The following CDH4 variants were observed in gnomAD, a reference collection of about 807,000 sequenced individuals.
CDH4 encodes cadherin 4.
A neutral mutation model predicts 86.0 loss-of-function variants in CDH4; 33 were observed. That is an observed-to-expected ratio of 0.38 (90% confidence interval 0.29 to 0.51). CDH4 has a LOEUF of 0.51. Among genes scored for constraint, CDH4 ranks in the 20% least tolerant of loss-of-function variants. The probability of loss-of-function intolerance (pLI) is 0.86; values close to 1 mark genes in which losing one functional copy is unlikely to be tolerated. For synonymous variants in CDH4, 555 were observed against 549.4 expected (o/e 1.01, Z -0.14); for missense variants, 1,114 against 1,307.4 (o/e 0.85, Z 2.28).
intron 3 of CDH4, among the ~76,000 whole-genome samples, chr20:61,750,806 G>A (rs761001612): frequency 6.6e-6 from 1 of 152,340 alleles, no homozygotes; most frequent in South Asian, 2.1e-4. Context: ...GGTGCTGGAT[G>A]TAATAGTTGT....
intron 2 of CDH4, among the ~76,000 whole-genome samples, chr20:61,521,674 A>G (rs771760803): frequency 2.6e-5 from 4 of 152,218 alleles, no homozygotes; most frequent in Non-Finnish European, 4.4e-5. Flanking sequence ...GAAACTAGCC[A>G]TCTTCAAATC....
chr20:61,523,269 G>A (rs927286712), intron 2 of CDH4, among the ~76,000 whole-genome samples: 1 of 152,240 alleles, frequency 6.6e-6, no homozygotes, highest in Non-Finnish European at 1.5e-5. Context: ...TGATCCAGGC[G>A]ACTCCGTCTT....
chr20:61,766,878 A>G (rs750958209), intron 3 of CDH4, among the ~76,000 whole-genome samples: 2 of 152,118 alleles, frequency 1.3e-5, no homozygotes, highest in Non-Finnish European at 2.9e-5. Context: ...CCAAGTCCCC[A>G]GTGGACTGAT....
chr20:61,506,489 CATT>C (rs1568869252), intron 2 of CDH4, among the ~76,000 whole-genome samples: 1 of 152,216 alleles, frequency 6.6e-6, no homozygotes, highest in African/African-American at 2.4e-5. Flanking sequence ...ATCGTATCCA[CATT>C]ATTATTATTT....
intron 8 of CDH4, 23 bp from the exon 9 acceptor site, chr20:61,910,399 C>A: frequency 6.2e-7 from 1 of 1,607,530 alleles, no homozygotes; most frequent in Non-Finnish European, 8.5e-7. Flanking sequence ...GGGTTTGTGA[C>A]ATTCTTTCCT....
intron 4 of CDH4, among the ~76,000 whole-genome samples, chr20:61,816,665 G>T (rs1353426066): frequency 6.7e-6 from 1 of 150,268 alleles, no homozygotes; most frequent in Non-Finnish European, 1.5e-5. Flanking sequence ...GGATGATGGC[G>T]CTTGGGTGAA....
At chr20:61,427,427 A>G (rs1323927631) in intron 2 of CDH4, among the ~76,000 whole-genome samples, 1 of 152,126 alleles carries the variant, frequency 6.6e-6, no homozygotes, top group African/African-American at 2.4e-5. Context: ...ATGAAATCAG[A>G]ACGTCGTCTT....
At chr20:61,616,418 A>C (rs2086725624) in intron 2 of CDH4, among the ~76,000 whole-genome samples, 1 of 152,326 alleles carries the variant, frequency 6.6e-6, no homozygotes, top group Admixed American at 6.5e-5. Context: ...AGAGGAGGAC[A>C]GTCCATAGCG....
chr20:61,308,318 G>A (rs2084428208), intron 2 of CDH4, among the ~76,000 whole-genome samples: 1 of 152,222 alleles, frequency 6.6e-6, no homozygotes, highest in African/African-American at 2.4e-5. Context: ...AACCAAAGCT[G>A]TCACAAAGCT....
At chr20:61,842,020 G>T (rs1465535956) in intron 4 of CDH4, among the ~76,000 whole-genome samples, 2 of 152,232 alleles carry the variant, frequency 1.3e-5, no homozygotes, top group African/African-American at 4.8e-5. Context: ...GCTTAAGAAA[G>T]ATGTTCTCCA....
chr20:61,458,811 T>G (rs2085424908), intron 2 of CDH4, among the ~76,000 whole-genome samples: 1 of 151,906 alleles, frequency 6.6e-6, no homozygotes, highest in South Asian at 2.1e-4. Flanking sequence ...TGGCAATGAG[T>G]GAAGCCCTGG....
chr20:61,536,396 A>G (rs1376625394), intron 2 of CDH4, among the ~76,000 whole-genome samples: 1 of 152,160 alleles, frequency 6.6e-6, no homozygotes, highest in East Asian at 1.9e-4. Flanking sequence ...CAACCCATGG[A>G]AAGTTCCATC....
intron 4 of CDH4, among the ~76,000 whole-genome samples, chr20:61,831,959 G>T (rs1981638066): frequency 6.6e-6 from 1 of 152,256 alleles, no homozygotes; most frequent in African/African-American, 2.4e-5. Context: ...GGCAGGAGCG[G>T]CTGGAGCCTG....
At chr20:61,539,341 C>T (rs1423762461) in intron 2 of CDH4, among the ~76,000 whole-genome samples, 3 of 152,204 alleles carry the variant, frequency 2.0e-5, no homozygotes, top group East Asian at 3.9e-4. Context: ...GCTTAAACAA[C>T]AGAGATTTAT....
chr20:61,481,377 T>G (rs1408177964), intron 2 of CDH4, among the ~76,000 whole-genome samples: 1 of 152,226 alleles, frequency 6.6e-6, no homozygotes, highest in African/African-American at 2.4e-5. Context: ...TGCACTTGTC[T>G]GAGAAAATAC....
chr20:61,448,714 T>A (rs942966944), intron 2 of CDH4, among the ~76,000 whole-genome samples: 1 of 152,178 alleles, frequency 6.6e-6, no homozygotes, highest in Non-Finnish European at 1.5e-5. Flanking sequence ...TTAAGCCTTG[T>A]TATGATGAAC....
chr20:61,640,257 G>C (rs1368137956), intron 2 of CDH4, among the ~76,000 whole-genome samples: 2 of 152,248 alleles, frequency 1.3e-5, no homozygotes, highest in Admixed American at 1.3e-4. Context: ...CTGGAAGCCA[G>C]CTCAGAGAGC....
At chr20:61,551,284 G>A (rs577610887) in intron 2 of CDH4, among the ~76,000 whole-genome samples, 1 of 152,308 alleles carries the variant, frequency 6.6e-6, no homozygotes, top group African/African-American at 2.4e-5. Context: ...TGTCCTCACT[G>A]TCTTGTCTCC....
chr20:61,823,875 A>G (rs182804899), intron 4 of CDH4, among the ~76,000 whole-genome samples: 29 of 152,372 alleles, frequency 1.9e-4, no homozygotes, highest in African/African-American at 6.5e-4. Context: ...CTCTATCAAT[A>G]AATACTATGT....
Sources: gnomAD v4.1 joint callset for allele counts (sites outside exome capture counted in the v4.1 genomes callset) on GRCh38, gnomAD v4.1.1 for gene constraint, MANE v1.5 for transcripts, NCBI Gene and HGNC (gene_info 2026-07-23, HGNC 2026-07-21) for gene names.